The following ADPRHL1 variants were observed in gnomAD, a reference collection of about 807,000 sequenced individuals.
ADPRHL1 encodes the protein inactive ADP-ribosyltransferase ARH2.
Under a neutral mutation model 44.1 loss-of-function variants are expected in ADPRHL1, and 43 were observed. The ratio of observed to expected loss-of-function variants is 0.98; its 90% CI spans 0.76 to 1.26. The LOEUF (loss-of-function observed/expected upper bound fraction) is 1.26, where lower values mean the gene tolerates loss of function less well. Among genes scored for constraint, ADPRHL1 ranks in the 50% most tolerant of loss-of-function variants. The probability of loss-of-function intolerance (pLI) is 0.00; values close to 1 mark genes in which losing one functional copy is unlikely to be tolerated. For missense variants in ADPRHL1, 2,022 were observed against 2,496.9 expected, an observed-to-expected ratio of 0.81 and a Z score of 4.05; for synonymous variants, 878 against 1,017.4, an observed-to-expected ratio of 0.86 and a Z score of 2.61.
At chr13:113,446,095 G>C (rs2044135213) in intron 1 of ADPRHL1, among the ~76,000 whole-genome samples, 1 of 146,536 alleles carries the variant, frequency 6.8e-6, no homozygotes, top group East Asian at 2.0e-4. Context: ...CTACCACAGA[G>C]AGAGTACGCA....
intron 1 of ADPRHL1, among the ~76,000 whole-genome samples, chr13:113,450,959 C>CA (rs1002089336): frequency 6.6e-6 from 1 of 151,598 alleles, no homozygotes; most frequent in African/African-American, 2.4e-5. Context: ...GAGACCCCCC[C>CA]CCCCTTCCTG....
Position 113,403,154 on chromosome 13 carries a change from C to G in ADPRHL1, c.*224G>C, listed in dbSNP as rs779391077. On this transcript the variant is annotated 3_prime_UTR_variant, in exon 8 of 8. Coordinates refer to ENST00000612156, the MANE Select transcript of ADPRHL1 (RefSeq NM_001394807.1). ...GGCCTGGTGAGGCCACAGGCCCGCA[C>G]CTCCCACCCCCATGGCCTCGTGGCT... 2.6e-6 allele frequency: 1 copy of G among 377,968 alleles called. No homozygotes were observed. The highest frequency in any genetic ancestry group is 4.6e-6 in the Non-Finnish European group (1 of 216,402). The allele number at this position is 377,968 out of a possible 1,614,324, so 23.4% of individuals were successfully genotyped here. A position where few individuals can be genotyped will look rare whatever the true frequency, so the allele number is the denominator to read the frequency against.
intron 1 of ADPRHL1, among the ~76,000 whole-genome samples, chr13:113,449,621 G>C (rs1415021478): frequency 6.6e-6 from 1 of 152,256 alleles, no homozygotes; most frequent in Non-Finnish European, 1.5e-5. Flanking sequence ...AGCCACACAG[G>C]CTGCCCCGAC....
chr13:113,421,551 C>T (rs1001725351), intron 7 of ADPRHL1, among the ~76,000 whole-genome samples: 1 of 152,168 alleles, frequency 6.6e-6, no homozygotes, highest in Non-Finnish European at 1.5e-5. Flanking sequence ...CAAGGGGAGG[C>T]GGCCGGGGAG....
rs35745409 is a variant in ADPRHL1, at chr13:113,453,291, C to T, written c.147G>A (p.Ser49=). The T allele has an allele frequency of 2.5e-3, 3,955 of 1,614,142 alleles. 87 individuals carry two copies. The African/African-American group carries it at 0.046, about 19-fold the overall frequency. ...RSGGLDHLVL[S]PGEWPVSDNT... ...TGTCACTCACGGGCCATTCTCCTGG[C>T]GAGAGTACGAGGTGGTCCAGGCCCC... The change falls in exon 1 of 8, where the codon TCG becomes TCA. Residue 49 remains serine, a synonymous_variant. Transcript: ENST00000612156. The surrounding 1 kb of genome is among the most constrained non-coding windows in gnomAD (Gnocchi z 5.4).
intron 2 of ADPRHL1, among the ~76,000 whole-genome samples, chr13:113,437,994 C>T (rs1315212453): frequency 6.6e-6 from 1 of 152,166 alleles, no homozygotes; most frequent in African/African-American, 2.4e-5. Context: ...CCATGCCTGG[C>T]TAGTTTTTGT....
In ADPRHL1 at chr13:113,441,976, C is replaced by T. The variant is rs1296924866; in HGVS notation, c.379+2449G>A. On this transcript the variant is annotated intron_variant, in intron 2 of 7. Transcript: ENST00000612156. The surrounding 1 kb of genome is among the most constrained non-coding windows in gnomAD (Gnocchi z 6.0). ...GTGTCCCGCCACGCGGCGTCCGCGT[C>T]TCTATCACGCTGTGTCCTGTGGCGC... 6.6e-6 allele frequency among the ~76,000 whole-genome samples: 1 copy of T among 152,284 alleles called. No homozygotes were observed. Among genetic ancestry groups the T allele is most frequent in the Non-Finnish European group, 1.5e-5 (1 of 68,050 alleles).
Position 113,403,041 on chromosome 13 carries a change from C to T in ADPRHL1, c.*337G>A, listed in dbSNP as rs1040825105. On this transcript the variant is annotated 3_prime_UTR_variant, in exon 8 of 8. Transcript: ENST00000612156. ...ATCGAAGGGGACGCACACACCGTGC[C>T]ACTGCGGGAGGTGTGAGCTCCACGC... The T allele has an allele frequency of 5.3e-6, 1 of 190,112 alleles. No homozygotes were observed. Among genetic ancestry groups the T allele is most frequent in the Non-Finnish European group, 1.1e-5 (1 of 93,452 alleles). The allele number at this position is 190,112 out of a possible 1,614,324, so 11.8% of individuals were successfully genotyped here.
At chr13:113,430,625 C>G (rs888631887) in intron 3 of ADPRHL1, among the ~76,000 whole-genome samples, 9 of 152,022 alleles carry the variant, frequency 5.9e-5, no homozygotes, top group African/African-American at 2.2e-4. Flanking sequence ...CTGGTGATAT[C>G]AGTGGTGACA....
At chr13:113,412,438 A>G (rs1051787675) in intron 7 of ADPRHL1, among the ~76,000 whole-genome samples, 5 of 152,208 alleles carry the variant, frequency 3.3e-5, no homozygotes, top group Admixed American at 3.3e-4. Context: ...TCGGCCTCCC[A>G]AAGTGCTGGG....
rs150610890 is a variant in ADPRHL1 at position 113,446,502 on chromosome 13, G to A, written c.215-1913C>T. 1.8e-3 allele frequency among the ~76,000 whole-genome samples: 267 copies of A among 152,318 alleles called. 2 individuals are homozygous for A. Among genetic ancestry groups the A allele is most frequent in the Non-Finnish European group, 3.5e-3 (237 of 68,018 alleles). On this transcript the variant is annotated intron_variant, in intron 1 of 7. Coordinates refer to ENST00000612156, the MANE Select transcript of ADPRHL1 (RefSeq NM_001394807.1). ...GGCCTGTGCACAGTGTTGTCTACAT[G>A]CACGGTGTTGTCATATGGGCACGGC...
chr13:113,413,057 C>T (rs12871776), intron 7 of ADPRHL1, among the ~76,000 whole-genome samples: 5 of 115,480 alleles, frequency 4.3e-5, no homozygotes, highest in Admixed American at 7.9e-5. Context: ...CAACAGCGCC[C>T]CGCAGAGCTC....
rs545741120 is a variant in ADPRHL1 at position 113,446,999 on chromosome 13, A to C, written c.215-2410T>G. 3.1e-5 allele frequency among the ~76,000 whole-genome samples: 4 copies of C among 129,506 alleles called. No homozygotes were observed. In the South Asian group the frequency reaches 7.7e-4, roughly 25 times the overall value. The allele number at this position is 129,506 out of a possible 152,430, so 85.0% of individuals were successfully genotyped here. On this transcript the variant is annotated intron_variant, in intron 1 of 7. Transcript: ENST00000612156. ...TCTACATGCACGGTGTTGTGTGTGC[A>C]TGGTGTCTACATGCACGGTGTTGTG...
At chr13:113,418,220 T>C (rs1335403893) in intron 7 of ADPRHL1, among the ~76,000 whole-genome samples, 1 of 152,068 alleles carries the variant, frequency 6.6e-6, no homozygotes, top group African/African-American at 2.4e-5. Flanking sequence ...ATGGGGGTAG[T>C]AAAAAGGGCC....
At position 113,407,434 on chromosome 13, in the gene ADPRHL1, C is replaced by G; in HGVS notation, c.1848G>C (p.Glu616Asp). The change falls in exon 8 of 8, where the codon GAG becomes GAC. Residue 616 changes from glutamate (E) to aspartate (D), a missense_variant. Around this residue, in one of 8 missense-constraint regions of ADPRHL1, gnomAD observed 1,221 missense variants for 1,517.8 expected, o/e 0.80. Coordinates refer to ENST00000612156, the MANE Select transcript of ADPRHL1 (RefSeq NM_001394807.1). ...PPARFLACTA[E>D]PLPALSIATV... ...TGGCGATGCTGAGGGCCGGCAGGGG[C>G]TCAGCCGTGCAGGCCAGAAAGCGGG... is the stretch of plus-strand genomic sequence containing the variant. 1 of 1,232,006 alleles carries G rather than the reference C, an allele frequency of 8.1e-7. No individual in the cohort carries two copies. The highest frequency in any genetic ancestry group is 1.0e-6 in the Non-Finnish European group (1 of 988,014). 76.3% of individuals were successfully genotyped at this position (1,232,006 alleles called of 1,614,324 possible). A position where few individuals can be genotyped will look rare whatever the true frequency, so the allele number is the denominator to read the frequency against.
rs2043742279 is a variant in ADPRHL1, at chr13:113,399,730, G to T, written c.*3648C>A. On this transcript the variant is annotated 3_prime_UTR_variant, in exon 8 of 8. Coordinates refer to ENST00000612156, the MANE Select transcript of ADPRHL1 (RefSeq NM_001394807.1). Reference sequence around the variant, plus strand: ...ATTTTTTCTGACTAACCCATTTTAGGGTTGTTTATATACAAAGAAGAATAT... The same window carrying T: ...ATTTTTTCTGACTAACCCATTTTAGTGTTGTTTATATACAAAGAAGAATAT... The T allele has an allele frequency of 6.6e-6, 1 of 151,992 alleles. No individual in the cohort carries two copies. Among genetic ancestry groups the T allele is most frequent in the African/African-American group, 2.4e-5 (1 of 41,386 alleles). The allele number at this position is 151,992 out of a possible 1,614,324, so 9.4% of individuals were successfully genotyped here. A position where few individuals can be genotyped will look rare whatever the true frequency, so the allele number is the denominator to read the frequency against.
Position 113,424,367 on chromosome 13 carries a change from G to T in ADPRHL1, c.775-18C>A. The T allele has an allele frequency of 6.2e-7, 1 of 1,612,494 alleles. No homozygotes were observed. The highest frequency in any genetic ancestry group is 8.5e-7 in the Non-Finnish European group (1 of 1,179,732). On this transcript the variant is annotated intron_variant, in intron 5 of 7. Coordinates refer to ENST00000612156, the MANE Select transcript of ADPRHL1 (RefSeq NM_001394807.1). ...CTGTAGGTCTGACAAGAGAGCCGTG[G>T]GTCGGGGCGTGTGCCCAAGTGGAGC...
rs2043820059 is a variant in ADPRHL1 at position 113,407,743 on chromosome 13, C to A, written c.1539G>T (p.Glu513Asp). ...KNILKIFLAA[E>D]EKEAKEKEAR... ...CTTCTTTCTCCTTCGCCTCCTTCTC[C>A]TCGGCGGCCAAGAATATCTTCAGGA... The change falls in exon 8 of 8, where the codon GAG becomes GAT. Residue 513 changes from glutamate (E) to aspartate (D), a missense_variant. Around this residue, in one of 8 missense-constraint regions of ADPRHL1, gnomAD observed 1,221 missense variants for 1,517.8 expected, o/e 0.80. Coordinates refer to ENST00000612156, the MANE Select transcript of ADPRHL1 (RefSeq NM_001394807.1). The A allele has an allele frequency of 8.9e-6, 11 of 1,232,028 alleles. No homozygotes were observed. Among genetic ancestry groups the A allele is most frequent in the Non-Finnish European group, 1.1e-5 (11 of 988,062 alleles). 76.3% of individuals were successfully genotyped at this position (1,232,028 alleles called of 1,614,324 possible).
Position 113,406,964 on chromosome 13 carries a change from C to T in ADPRHL1, c.2318G>A (p.Cys773Tyr), listed in dbSNP as rs948131436. The change falls in exon 8 of 8, where the codon TGT (cysteine) becomes TAT (tyrosine). Residue 773 changes from cysteine to tyrosine, a missense_variant. Coordinates refer to ENST00000612156, the MANE Select transcript of ADPRHL1 (RefSeq NM_001394807.1). ...LTWPPGPPGE[C>Y]AGEGPEITMT... is the part of the protein sequence containing the mutation. Reference sequence around the variant, plus strand: ...GGTGATTTCAGGGCCCTCCCCTGCACACTCGCCTGGGGGCCCAGGAGGCCA... The same window carrying T: ...GGTGATTTCAGGGCCCTCCCCTGCATACTCGCCTGGGGGCCCAGGAGGCCA... 6 of 1,232,258 alleles carry T rather than the reference C, an allele frequency of 4.9e-6. No homozygotes were observed. The highest frequency in any genetic ancestry group is 4.1e-5 in the South Asian group (1 of 24,324). The allele number at this position is 1,232,258 out of a possible 1,614,324, so 76.3% of individuals were successfully genotyped here. A position where few individuals can be genotyped will look rare whatever the true frequency, so the allele number is the denominator to read the frequency against.
Sources: gnomAD v4.1 joint callset for allele counts (sites outside exome capture counted in the v4.1 genomes callset) on GRCh38, gnomAD v4.1.1 for gene constraint, gnomAD v4.1.1 regional missense constraint, Gnocchi (gnomAD v3.1) non-coding constraint, MANE v1.5 for transcripts, NCBI Gene and HGNC (gene_info 2026-07-23, HGNC 2026-07-21) for gene names.